ARVCF: variants seen among roughly 807,000 people sequenced by gnomAD.
ARVCF encodes ARVCF delta catenin family member.
In ARVCF, 66 loss-of-function variants were observed where a neutral mutation model predicts 90.9. The ratio of observed to expected loss-of-function variants is 0.73; its 90% confidence interval spans 0.60 to 0.89. ARVCF has a LOEUF of 0.89. Ranked by LOEUF, ARVCF falls within the 40% of genes least tolerant of loss-of-function variation. The probability of loss-of-function intolerance (pLI) is 0.00; values close to 1 mark genes in which losing one functional copy is unlikely to be tolerated. For missense variants in ARVCF, 1,469 were observed against 1,382.3 expected (o/e 1.06, Z -1.00); for synonymous variants, 653 against 603.4 (o/e 1.08, Z -1.21).
downstream of ARVCF, among the ~76,000 whole-genome samples, chr22:19,966,403 C>T (rs1013779046): frequency 1.3e-4 from 20 of 150,602 alleles, no homozygotes; most frequent in Admixed American, 1.3e-3. Flanking sequence ...CAAGTCCAGC[C>T]CATGCCCAAA....
In ARVCF at chr22:19,974,233, T is replaced by C. The variant is rs1305676520; in HGVS notation, c.1967A>G (p.Glu656Gly). The C allele has an allele frequency of 6.2e-7, 1 of 1,608,252 alleles. No homozygotes were observed. The highest frequency in any genetic ancestry group is 2.2e-5 in the East Asian group (1 of 44,736). Residue 656 changes from glutamate to glycine, a missense_variant, in exon 12 of 20, where the codon GAG (glutamate) becomes GGG (glycine). Glu to Gly is a moderately conservative substitution (Grantham distance 98, BLOSUM62 -2). Transcript: ENST00000263207. The stretch of plus-strand genomic sequence containing the variant: ...TACCACCTCGGGCTGGTACAGCAGC[T>C]CAAAGCCTAGGTGCAGGGCAACCGC... Reference protein sequence around the residue: ...PKRTEAAKGFELLYQPEVVRL... With the variant: ...PKRTEAAKGFGLLYQPEVVRL...
At chr22:19,979,559 T>C (rs891175222) in intron 6 of ARVCF, 184 bp downstream of exon 6, 21 of 922,774 alleles carry the variant, frequency 2.3e-5, no homozygotes, top group African/African-American at 6.7e-5. Flanking sequence ...TGGTAGAGAC[T>C]GGGGAACCTG....
chr22:20,016,307 C>T (rs1485287621), intron 1 of ARVCF, among the ~76,000 whole-genome samples: 2 of 152,090 alleles, frequency 1.3e-5, no homozygotes, highest in African/African-American at 4.8e-5. Flanking sequence ...TGCAAGACGC[C>T]CGGACGGGTA....
rs745796776 is a variant in ARVCF, at chr22:19,990,694, C to T, written c.101G>A (p.Arg34Gln). ...CTCCAGCTGTAGGGCAACATGGCGC[C>T]GCTCCTGCTCCAGTGCCCGTGTCAG... ...ERLTRALEQE[R>Q]RHVALQLERA... Residue 34 changes from arginine (R) to glutamine (Q), a missense_variant, in exon 3 of 20, where the codon CGG becomes CAG. Physicochemically the swap from Arg to Gln is conservative, Grantham distance 43. Coordinates refer to ENST00000263207, the MANE Select transcript of ARVCF (RefSeq NM_001670.3). 2.4e-5 allele frequency: 38 copies of T among 1,601,488 alleles called. No homozygotes were observed. Among genetic ancestry groups the T allele is most frequent in the Middle Eastern group, 1.6e-4 (1 of 6,068 alleles).
chr22:19,979,360 C>T, intron 6 of ARVCF: 1 of 522,592 alleles, frequency 1.9e-6, no homozygotes, highest in South Asian at 2.5e-5. Flanking sequence ...CTCCTGAGGC[C>T]ACAGGGCCTC....
chr22:19,978,751 A>G (rs1943306770), intron 7 of ARVCF, 146 bp downstream of exon 7: 5 of 1,017,856 alleles, frequency 4.9e-6, no homozygotes, highest in Admixed American at 2.8e-5. Context: ...ATCAGGCCCC[A>G]CTTCTCATCC....
In ARVCF at chr22:19,978,002, G is replaced by A. The variant is rs775224572; in HGVS notation, c.1654C>T (p.His552Tyr). Residue 552 changes from histidine to tyrosine, a missense_variant, in exon 8 of 20, where the codon CAT (histidine) becomes TAT (tyrosine). Physicochemically the swap from His to Tyr is moderately conservative, Grantham distance 83 (BLOSUM62 2). Transcript: ENST00000263207. ...ECEGLVDALLHALQSAVGRKD... is the reference protein window; with the variant it reads ...ECEGLVDALLYALQSAVGRKD... ...CGGCCCACAGCCGACTGCAGGGCAT[G>A]CAGGAGCGCGTCCACCAGCCCTTCA... 2.5e-6 allele frequency: 4 copies of A among 1,612,026 alleles called. No homozygotes were observed. The highest frequency in any genetic ancestry group is 3.4e-6 in the Non-Finnish European group (4 of 1,179,532).
chr22:20,011,270 C>T (rs1403922898), intron 1 of ARVCF, among the ~76,000 whole-genome samples: 6 of 152,190 alleles, frequency 3.9e-5, no homozygotes, highest in South Asian at 2.1e-4. Context: ...TATCTAGGCC[C>T]GGGGATATTG....
rs574111539 is a variant in ARVCF, at chr22:19,985,258, C to T, written c.211-3167G>A. Among the ~76,000 whole-genome samples, 62 of 152,326 alleles carry T rather than the reference C, an allele frequency of 4.1e-4. No individual in the cohort carries two copies. In the South Asian group the frequency reaches 8.1e-3, roughly 20 times the overall value. On this transcript the variant is annotated intron_variant, in intron 3 of 19. Coordinates refer to ENST00000263207, the MANE Select transcript of ARVCF (RefSeq NM_001670.3). ...CCATCCTTGCTCCTCTTGCACCCCG[C>T]CCGGCCTCCCAGCACTCATCCCTCC...
intron 9 of ARVCF, among the ~76,000 whole-genome samples, 188 bp from the exon 10 acceptor site, chr22:19,976,911 C>T (rs536888467): frequency 1.4e-4 from 21 of 151,928 alleles, no homozygotes; most frequent in African/African-American, 4.8e-4. Flanking sequence ...AAGAGGGAGG[C>T]CTGGGGTCAG....
At chr22:19,987,162 C>A (rs112817225) in intron 3 of ARVCF, 3 of 449,016 alleles carry the variant, frequency 6.7e-6, no homozygotes, top group Non-Finnish European at 1.2e-5. Context: ...TCGGCTCCGG[C>A]GCCTCGGCCG....
In ARVCF at chr22:19,972,591, T is replaced by C. The variant is rs1047080875; in HGVS notation, c.2641+146A>G. The stretch of plus-strand genomic sequence containing the variant: ...CAGCGCGGATGCTGTGGGAAGGGAG[T>C]AGCCAAGAGGCAGAGGGCAGGGAAA... On this transcript the variant is annotated intron_variant, in intron 16 of 19. Transcript: ENST00000263207. 6 of 1,137,674 alleles carry C rather than the reference T, an allele frequency of 5.3e-6. No homozygotes were observed. The African/African-American group carries it at 7.8e-5, about 15-fold the overall frequency. 70.5% of individuals were successfully genotyped at this position (1,137,674 alleles called of 1,614,324 possible). A position where few individuals can be genotyped will look rare whatever the true frequency, so the allele number is the denominator to read the frequency against.
chr22:20,006,467 T>C (rs1011479721), intron 2 of ARVCF, among the ~76,000 whole-genome samples: 5 of 150,322 alleles, frequency 3.3e-5, no homozygotes, highest in Non-Finnish European at 7.4e-5. Context: ...TAGTTCCAGC[T>C]ACTTGGGAGG....
intron 3 of ARVCF, among the ~76,000 whole-genome samples, chr22:19,983,202 C>A (rs1275766175): frequency 6.6e-6 from 1 of 152,252 alleles, no homozygotes; most frequent in Non-Finnish European, 1.5e-5. Flanking sequence ...AGGCGGAGCA[C>A]ATTCCCAGGC....
downstream of ARVCF, chr22:19,967,152 T>C (rs1244984858): frequency 7.7e-7 from 1 of 1,301,430 alleles, no homozygotes. Context: ...CTTTCCTGTT[T>C]AACTCGTGCA....
chr22:19,986,428 A>G (rs1044052713), intron 3 of ARVCF, among the ~76,000 whole-genome samples: 2 of 151,924 alleles, frequency 1.3e-5, no homozygotes, highest in African/African-American at 4.8e-5. Flanking sequence ...GCCTCCCCCC[A>G]CCTCAATGCT....
Position 20,013,703 on chromosome 22 carries a change from A to G in ARVCF, c.-73+2886T>C, listed in dbSNP as rs377069759. On this transcript the variant is annotated intron_variant, in intron 1 of 19. Transcript: ENST00000263207. ...CATAACTGGTTATGGAGTGGGGGGA[A>G]CTCTGTGGCCCCAGGCACCCACCAG... 1.0e-3 allele frequency among the ~76,000 whole-genome samples: 157 copies of G among 150,112 alleles called. 2 individuals are homozygous for G. In the South Asian group the frequency reaches 0.032, roughly 30 times the overall value.
In ARVCF at chr22:19,970,542, A is replaced by T; in HGVS notation, c.*214T>A. On this transcript the variant is annotated 3_prime_UTR_variant, in exon 20 of 20. Transcript: ENST00000263207. ...CACACACAGCACCATGTCAGTAAAC[A>T]GCTAACTCAGGCCTAGGGAGTTAGG... is the stretch of plus-strand genomic sequence containing the variant. The T allele has an allele frequency of 8.6e-7, 1 of 1,163,514 alleles. No homozygotes were observed. Among genetic ancestry groups the T allele is most frequent in the Non-Finnish European group, 1.1e-6 (1 of 931,984 alleles). 72.1% of individuals were successfully genotyped at this position (1,163,514 alleles called of 1,614,324 possible). A position where few individuals can be genotyped will look rare whatever the true frequency, so the allele number is the denominator to read the frequency against.
At chr22:19,986,979 G>T in intron 3 of ARVCF, 1 of 629,364 alleles carries the variant, frequency 1.6e-6, no homozygotes, top group East Asian at 3.4e-5. Flanking sequence ...CAGCGGCTCC[G>T]CGGAACAAAA....
Sources: allele counts gnomAD v4.1 joint callset (sites outside exome capture counted in the v4.1 genomes callset), GRCh38; gene constraint gnomAD v4.1.1; transcripts MANE v1.5; gene names NCBI Gene and HGNC (gene_info 2026-07-23, HGNC 2026-07-21).